The following RAD21 variants were observed in gnomAD, a reference collection of about 807,000 sequenced individuals.
RAD21 encodes the protein RAD21 cohesin complex component, also known as double-strand-break repair protein rad21 homolog.
RAD21 carries 18 observed loss-of-function variants against 71.5 expected under a neutral mutation model. The ratio of observed to expected loss-of-function variants is 0.25; its 90% confidence interval spans 0.17 to 0.37. RAD21 has a LOEUF of 0.37. RAD21 is among the 10% of genes least tolerant of loss of function. The pLI, the probability that RAD21 is intolerant of heterozygous loss-of-function variation, is 1.00. For synonymous variants in RAD21, 248 were observed against 254.0 expected, an observed-to-expected ratio of 0.98 and a Z score of 0.22; for missense variants, 493 against 769.1, an observed-to-expected ratio of 0.64 and a Z score of 4.25.
chr8:116,854,593 C>T (rs1812423584), intron 8 of RAD21, 125 bp from the exon 9 acceptor site: 2 of 732,922 alleles, frequency 2.7e-6, no homozygotes, highest in Admixed American at 2.6e-5. Flanking sequence ...AGAAGTTAAA[C>T]TTCATGAGGA....
At chr8:116,858,575 G>C (rs912623383) in intron 4 of RAD21, 117 bp from the exon 5 acceptor site, 9 of 673,590 alleles carry the variant, frequency 1.3e-5, no homozygotes, top group Non-Finnish European at 2.0e-5. Flanking sequence ...CCAAGTTTTA[G>C]AAGCCTTAAT....
chr8:116,857,508 G>C (rs1812494305), intron 5 of RAD21, 35 bp from the exon 6 acceptor site: 1 of 1,546,356 alleles, frequency 6.5e-7, no homozygotes. Flanking sequence ...AGTTTAGAAA[G>C]ATTAGAAATA....
chr8:116,867,700 T>A lies in RAD21; in HGVS notation c.-32-939A>T, dbSNP rs530173898. Among the ~76,000 whole-genome samples, 5 of 152,348 alleles carry A rather than the reference T, an allele frequency of 3.3e-5. No homozygotes were observed. The East Asian group carries it at 9.6e-4, about 29-fold the overall frequency. ...CTAGAAAATGATATATGCCTTGCTT[T>A]ACAGAAATAAAATCAAGTGCATGTA... On this transcript the variant is annotated intron_variant, in intron 1 of 13. Coordinates refer to ENST00000297338, the MANE Select transcript of RAD21 (RefSeq NM_006265.3).
chr8:116,859,755 T>C (rs1464291616), intron 4 of RAD21, among the ~76,000 whole-genome samples: 1 of 151,876 alleles, frequency 6.6e-6, no homozygotes, highest in Admixed American at 6.6e-5. Flanking sequence ...CAATGGCTAC[T>C]ATTTGTTCAA....
intron 12 of RAD21, 117 bp from the exon 13 acceptor site, chr8:116,849,146 A>T: frequency 1.6e-6 from 1 of 641,848 alleles, no homozygotes. Context: ...GAACTAATAG[A>T]AAACTGTACT....
chr8:116,846,162 T>C lies in RAD21; in HGVS notation c.*1338A>G, dbSNP rs912911152. The C allele has an allele frequency of 4.3e-5, 10 of 230,840 alleles. No individual in the cohort carries two copies. Among genetic ancestry groups the C allele is most frequent in the African/African-American group, 1.5e-4 (7 of 45,194 alleles). The allele number at this position is 230,840 out of a possible 1,614,324, so 14.3% of individuals were successfully genotyped here. A position where few individuals can be genotyped will look rare whatever the true frequency, so the allele number is the denominator to read the frequency against. Reference sequence around the variant, plus strand: ...CATCATATTGAATGTAAAGCTGCAATAGCAATTTTATACAATTACCACTCT... The same window carrying C: ...CATCATATTGAATGTAAAGCTGCAACAGCAATTTTATACAATTACCACTCT... On this transcript the variant is annotated 3_prime_UTR_variant, in exon 14 of 14. Coordinates refer to ENST00000297338, the MANE Select transcript of RAD21 (RefSeq NM_006265.3).
intron 5 of RAD21, among the ~76,000 whole-genome samples, chr8:116,857,863 T>C (rs1812502516): frequency 6.6e-6 from 1 of 152,214 alleles, no homozygotes; most frequent in Non-Finnish European, 1.5e-5. Context: ...TAGTCCCAGC[T>C]ACTTGAGGCT....
At chr8:116,873,728 A>G (rs940950904) in intron 1 of RAD21, among the ~76,000 whole-genome samples, 3 of 152,042 alleles carry the variant, frequency 2.0e-5, no homozygotes, top group African/African-American at 4.8e-5. Flanking sequence ...AAGGCCGCTA[A>G]GTCTGGCAGC....
chr8:116,857,499 G>A (rs1167183798), intron 5 of RAD21, 26 bp from the exon 6 acceptor site: 4 of 1,579,118 alleles, frequency 2.5e-6, no homozygotes, highest in Admixed American at 3.4e-5. Context: ...TTTGTCATTA[G>A]TTTAGAAAGA....
Position 116,847,225 on chromosome 8 carries a change from T to C in RAD21, c.*275A>G, listed in dbSNP as rs1184682685. The C allele has an allele frequency of 3.0e-6, 1 of 330,278 alleles. No homozygotes were observed. The highest frequency in any genetic ancestry group is 5.5e-6 in the Non-Finnish European group (1 of 181,998). 20.5% of individuals were successfully genotyped at this position (330,278 alleles called of 1,614,324 possible). On this transcript the variant is annotated 3_prime_UTR_variant, in exon 14 of 14. Coordinates refer to ENST00000297338, the MANE Select transcript of RAD21 (RefSeq NM_006265.3). ...CACTCAACATTATTACATGCACCAATATTGCACACATCTGTTCTGAACTGT... is the reference window on the plus strand; with the variant it reads ...CACTCAACATTATTACATGCACCAACATTGCACACATCTGTTCTGAACTGT...
chr8:116,862,783 T>G (rs1302117528), intron 3 of RAD21, among the ~76,000 whole-genome samples: 3 of 152,178 alleles, frequency 2.0e-5, no homozygotes, highest in African/African-American at 7.2e-5. Context: ...TTGTCTTTTC[T>G]GAGCTATATT....
At chr8:116,857,029 AAACAG>A (rs1812485269) in intron 6 of RAD21, among the ~76,000 whole-genome samples, 1 of 152,182 alleles carries the variant, frequency 6.6e-6, no homozygotes, top group South Asian at 2.1e-4. Flanking sequence ...TATCAAACAC[AAACAG>A]AACAGTTTTA....
intron 1 of RAD21, among the ~76,000 whole-genome samples, chr8:116,873,356 A>G (rs73310228): frequency 1.6e-4 from 25 of 152,364 alleles, no homozygotes; most frequent in African/African-American, 6.0e-4. Flanking sequence ...GATATGGCGT[A>G]TGTCCTCATC....
rs752020160 is a variant in RAD21 at position 116,847,738 on chromosome 8, G to GT, written c.1705-48dup. The GT allele has an allele frequency of 2.7e-6, 4 of 1,485,622 alleles. No individual in the cohort carries two copies. In the East Asian group the frequency reaches 9.3e-5, roughly 34 times the overall value. The allele number at this position is 1,485,622 out of a possible 1,614,324, so 92.0% of individuals were successfully genotyped here. A position where few individuals can be genotyped will look rare whatever the true frequency, so the allele number is the denominator to read the frequency against. On this transcript the variant is annotated intron_variant, in intron 13 of 13. Coordinates refer to ENST00000297338, the MANE Select transcript of RAD21 (RefSeq NM_006265.3). ...GTAACTTAATCTGTATAATAAAGTA[G>GT]TAATTCAGTGAGGATGCTGATACAG...
chr8:116,873,034 A>G (rs1043939201), intron 1 of RAD21, among the ~76,000 whole-genome samples: 13 of 152,256 alleles, frequency 8.5e-5, no homozygotes, highest in African/African-American at 2.9e-4. Context: ...CACCTAACAT[A>G]GTGCCACTGC....
chr8:116,859,430 G>C (rs926568627), intron 4 of RAD21, among the ~76,000 whole-genome samples: 1 of 151,836 alleles, frequency 6.6e-6, no homozygotes, highest in African/African-American at 2.4e-5. Context: ...ATGGGGGGGC[G>C]GGATCTTACT....
intron 4 of RAD21, among the ~76,000 whole-genome samples, chr8:116,860,788 A>AT (rs1251007020): frequency 1.3e-5 from 2 of 152,112 alleles, no homozygotes; most frequent in Admixed American, 6.6e-5. Flanking sequence ...ATAACTGATA[A>AT]TTTTTTTAAA....
At chr8:116,856,315 A>AG (rs779965048) in intron 7 of RAD21, 27 bp from the exon 8 acceptor site, 1 of 1,376,598 alleles carries the variant, frequency 7.3e-7, no homozygotes, top group African/African-American at 1.6e-5. Context: ...AAAAAAAAAA[A>AG]GTCACAAAAA....
chr8:116,871,819 C>A (rs1280858240), intron 1 of RAD21, among the ~76,000 whole-genome samples: 1 of 152,200 alleles, frequency 6.6e-6, no homozygotes, highest in African/African-American at 2.4e-5. Context: ...ATGGAGAAAA[C>A]AGATGAAGAT....
Sources: allele counts gnomAD v4.1 joint callset (sites outside exome capture counted in the v4.1 genomes callset), GRCh38; gene constraint gnomAD v4.1.1; transcripts MANE v1.5; gene names NCBI Gene and HGNC (gene_info 2026-07-23, HGNC 2026-07-21).